CSMD3: variants seen among roughly 807,000 people sequenced by gnomAD.
CSMD3 encodes the protein CUB and sushi domain-containing protein 3.
CSMD3 carries 177 observed loss-of-function variants against 435.2 expected under a neutral mutation model. That is an observed-to-expected ratio of 0.41 (90% CI 0.36 to 0.46). CSMD3 has a LOEUF of 0.46. CSMD3 is among the 20% of genes least tolerant of loss of function. CSMD3 has a pLI of 0.34. For synonymous variants in CSMD3, 1,656 were observed against 1,520.5 expected (o/e 1.09, Z -2.07); for missense variants, 4,265 against 4,504.6 (o/e 0.95, Z 1.52).
intron 32 of CSMD3, among the ~76,000 whole-genome samples, chr8:112,436,076 T>C (rs1226947712): frequency 3.3e-5 from 5 of 151,800 alleles, no homozygotes; most frequent in African/African-American, 1.2e-4. Flanking sequence ...TCAAATAGAG[T>C]GCATATGAGA....
At chr8:113,096,279 G>A (rs2090160206) in intron 5 of CSMD3, among the ~76,000 whole-genome samples, 1 of 152,032 alleles carries the variant, frequency 6.6e-6, no homozygotes, top group Non-Finnish European at 1.5e-5. Flanking sequence ...CCCAATATTA[G>A]TTAACTTAAA....
chr8:113,242,321 C>T (rs937595560), intron 3 of CSMD3, among the ~76,000 whole-genome samples: 16 of 151,988 alleles, frequency 1.1e-4, no homozygotes, highest in African/African-American at 2.4e-4. Context: ...ATTCTAAATG[C>T]TGTCAGATAT....
chr8:112,859,636 G>A (rs558141873), intron 10 of CSMD3, among the ~76,000 whole-genome samples: 20 of 151,824 alleles, frequency 1.3e-4, no homozygotes, highest in African/African-American at 4.3e-4. Context: ...AATCTAAGAA[G>A]TGTTTTCATT....
At chr8:112,601,547 T>G (rs533311188) in intron 22 of CSMD3, among the ~76,000 whole-genome samples, 6 of 152,300 alleles carry the variant, frequency 3.9e-5, no homozygotes, top group Admixed American at 2.6e-4. Flanking sequence ...AAGTAAGAGA[T>G]AATCTGCACA....
At chr8:112,446,124 G>A (rs960825926) in intron 32 of CSMD3, among the ~76,000 whole-genome samples, 1 of 152,148 alleles carries the variant, frequency 6.6e-6, no homozygotes, top group Non-Finnish European at 1.5e-5. Flanking sequence ...ACATAGCTAA[G>A]AAGCATTGGG....
intron 1 of CSMD3, among the ~76,000 whole-genome samples, chr8:113,334,934 C>T (rs1347062115): frequency 6.6e-6 from 1 of 151,946 alleles, no homozygotes; most frequent in Non-Finnish European, 1.5e-5. Flanking sequence ...CTAATATTGG[C>T]CATACGGTTT....
intron 5 of CSMD3, among the ~76,000 whole-genome samples, chr8:113,087,564 A>T (rs1285277961): frequency 6.6e-6 from 1 of 152,144 alleles, no homozygotes; most frequent in Non-Finnish European, 1.5e-5. Flanking sequence ...CATATCTACA[A>T]CTATCTGATC....
intron 1 of CSMD3, among the ~76,000 whole-genome samples, chr8:113,328,098 G>GAC (rs149822754): frequency 0.036 from 5,384 of 148,690 alleles, 134 homozygotes; most frequent in Middle Eastern, 0.093. Flanking sequence ...GACACACACA[G>GAC]ACACACACAC....
intron 7 of CSMD3, among the ~76,000 whole-genome samples, chr8:112,964,282 A>G (rs916083917): frequency 2.6e-5 from 4 of 151,960 alleles, no homozygotes; most frequent in Non-Finnish European, 4.4e-5. Flanking sequence ...AACTCTCTCA[A>G]GTGCGTATCT....
chr8:112,303,739 A>G (rs1213718561), intron 52 of CSMD3, among the ~76,000 whole-genome samples: 1 of 152,202 alleles, frequency 6.6e-6, no homozygotes, highest in African/African-American at 2.4e-5. Context: ...ATAAATTTCA[A>G]ATCAGTGAAT....
intron 1 of CSMD3, among the ~76,000 whole-genome samples, chr8:113,384,454 G>T (rs1429585683): frequency 6.6e-6 from 1 of 152,134 alleles, no homozygotes; most frequent in Non-Finnish European, 1.5e-5. Flanking sequence ...ATGTTTAGAA[G>T]CTGCTAAAGG....
At chr8:113,424,550 A>C (rs1040287610) in intron 1 of CSMD3, among the ~76,000 whole-genome samples, 37 of 151,634 alleles carry the variant, frequency 2.4e-4, no homozygotes, top group African/African-American at 8.4e-4. Flanking sequence ...TGAAAGTATT[A>C]AGAAGCCAAG....
intron 10 of CSMD3, among the ~76,000 whole-genome samples, chr8:112,887,612 TGCATAAGTTTTTTC>T (rs1020152585): frequency 6.6e-6 from 1 of 151,618 alleles, no homozygotes; most frequent in African/African-American, 2.4e-5. Flanking sequence ...AAATATGTAA[TGCATAAGTTTTTTC>T]ACATTTTCTG....
chr8:112,272,882 C>T (rs547462073), intron 59 of CSMD3, among the ~76,000 whole-genome samples: 31 of 152,080 alleles, frequency 2.0e-4, no homozygotes, highest in South Asian at 1.7e-3. Flanking sequence ...TTTTTATTTA[C>T]GCTTTTGGTT....
chr8:112,570,840 A>C (rs1358271508), intron 24 of CSMD3, among the ~76,000 whole-genome samples: 3 of 152,176 alleles, frequency 2.0e-5, no homozygotes, highest in Non-Finnish European at 4.4e-5. Context: ...TTTTGTTTAC[A>C]GATATGATAT....
chr8:113,173,381 G>A (rs189149858), intron 4 of CSMD3, among the ~76,000 whole-genome samples: 28 of 152,138 alleles, frequency 1.8e-4, no homozygotes, highest in Middle Eastern at 3.4e-3. Flanking sequence ...GGGTGCAGTG[G>A]CGCGATCTCA....
intron 13 of CSMD3, among the ~76,000 whole-genome samples, chr8:112,749,409 T>C (rs975614541): frequency 5.9e-5 from 9 of 152,126 alleles, no homozygotes; most frequent in African/African-American, 2.2e-4. Context: ...TCATAAAACG[T>C]TTTCCCGTTC....
At chr8:112,663,188 T>C (rs112722886) in intron 17 of CSMD3, among the ~76,000 whole-genome samples, 9 of 152,198 alleles carry the variant, frequency 5.9e-5, no homozygotes, top group Middle Eastern at 3.4e-3. Context: ...CACGCACATG[T>C]ATGTTTACTG....
intron 4 of CSMD3, among the ~76,000 whole-genome samples, chr8:113,148,749 GT>G (rs1277642383): frequency 2.0e-5 from 3 of 151,542 alleles, no homozygotes; most frequent in Non-Finnish European, 4.4e-5. Context: ...CAAACCAAGA[GT>G]TTTGTTGGTT....
Sources: gnomAD v4.1 joint callset for allele counts (sites outside exome capture counted in the v4.1 genomes callset) on GRCh38, gnomAD v4.1.1 for gene constraint, MANE v1.5 for transcripts, NCBI Gene and HGNC (gene_info 2026-07-23, HGNC 2026-07-21) for gene names.